FANCA: variants seen among roughly 807,000 people sequenced by gnomAD.
FANCA encodes the protein Fanconi anemia group A protein.
FANCA carries 236 observed loss-of-function variants against 194.3 expected under a neutral mutation model. That is an observed-to-expected ratio of 1.21 (90% CI 1.09 to 1.35). The LOEUF (loss-of-function observed/expected upper bound fraction) is 1.35, where lower values mean the gene tolerates loss of function less well. FANCA is among the 40% of genes most tolerant of loss of function. FANCA has a pLI of 0.00. For missense variants in FANCA, 2,628 were observed against 1,813.9 expected (o/e 1.45, Z -8.15); for synonymous variants, 1,014 against 715.8 (o/e 1.42, Z -6.65).
At chr16:89,794,854 AC>A (rs1175453656) in intron 11 of FANCA, among the ~76,000 whole-genome samples, 1 of 152,208 alleles carries the variant, frequency 6.6e-6, no homozygotes, top group Non-Finnish European at 1.5e-5. Flanking sequence ...GCCATCAAAC[AC>A]GCCACCGAGT....
At chr16:89,815,497 A>T (rs2041074546) in intron 2 of FANCA, among the ~76,000 whole-genome samples, 1 of 151,688 alleles carries the variant, frequency 6.6e-6, no homozygotes, top group Admixed American at 6.6e-5. Flanking sequence ...CTGGGATTAA[A>T]GGCGTGCGCC....
At position 89,744,954 on chromosome 16, in the gene FANCA, C is replaced by G. The variant is rs370801038; in HGVS notation, c.3626+5G>C. On this transcript the variant is annotated splice_donor_5th_base_variant and intron_variant, in intron 36 of 42. Transcript: ENST00000389301. The stretch of plus-strand genomic sequence containing the variant: ...GGCACACCCCATCTCACCACCCACA[C>G]GTACTCGCTGGCAAACTGCCGGCCT... 3.7e-6 allele frequency: 6 copies of G among 1,611,144 alleles called. No homozygotes were observed. The highest frequency in any genetic ancestry group is 5.1e-6 in the Non-Finnish European group (6 of 1,179,572).
At chr16:89,786,985 C>T (rs1274792397) in intron 14 of FANCA, among the ~76,000 whole-genome samples, 1 of 152,214 alleles carries the variant, frequency 6.6e-6, no homozygotes, top group Non-Finnish European at 1.5e-5. Context: ...GCCAGATGAT[C>T]ACTGGCCGCA....
chr16:89,801,005 C>A (rs2040429520), intron 8 of FANCA, among the ~76,000 whole-genome samples: 1 of 146,844 alleles, frequency 6.8e-6, no homozygotes, highest in Non-Finnish European at 1.5e-5. Context: ...TGCACTCCAG[C>A]CTGGGAGACA....
intron 38 of FANCA, 34 bp downstream of exon 38, chr16:89,740,770 G>A: frequency 1.2e-6 from 2 of 1,602,312 alleles, no homozygotes; most frequent in Non-Finnish European, 1.7e-6. Flanking sequence ...CCCACAGTGG[G>A]AGAGGACACC....
rs780833865 is a variant in FANCA, at chr16:89,815,957, G to A, written c.109C>T (p.Pro37Ser). ...AGRVKREKYN[P>S]ERAQKLKESA... is the part of the protein sequence containing the mutation. ...TCCTTTAATTTCTGTGCCCTTTCAG[G>A]ATTATATTTTTCCCTCTTGACCCTT... is the stretch of plus-strand genomic sequence containing the variant. Residue 37 changes from proline to serine, a missense_variant, in exon 2 of 43, where the codon CCT becomes TCT. By Grantham distance (74) the Pro-to-Ser change is moderately conservative. Transcript: ENST00000389301. 10 of 1,614,078 alleles carry A rather than the reference G, an allele frequency of 6.2e-6. No individual in the cohort carries two copies. Among genetic ancestry groups the A allele is most frequent in the South Asian group, 3.3e-5 (3 of 91,090 alleles).
At position 89,795,916 on chromosome 16, in the gene FANCA, A is replaced by G. The variant is rs756220027; in HGVS notation, c.996T>C (p.Pro332=). The G allele has an allele frequency of 6.2e-7, 1 of 1,613,364 alleles. No homozygotes were observed. Among genetic ancestry groups the G allele is most frequent in the Admixed American group, 1.7e-5 (1 of 60,022 alleles). ...CCACACTGGGCCTACCTTTCAGCAC[A>G]GGGCTGTGAGTGAGTATCTGAGTCA... ...HTLTQILTHS[P]VLKASDAVQM... Residue 332 remains proline (P), a synonymous_variant, in exon 11 of 43, where the codon CCT becomes CCC. Transcript: ENST00000389301.
intron 27 of FANCA, among the ~76,000 whole-genome samples, chr16:89,765,916 G>T (rs2039110679): frequency 1.3e-5 from 2 of 152,202 alleles, no homozygotes; most frequent in South Asian, 2.1e-4. Context: ...AATTTATCTG[G>T]AAAGGGGCCA....
At chr16:89,763,749 A>G (rs2039029585) in intron 28 of FANCA, among the ~76,000 whole-genome samples, 2 of 151,740 alleles carry the variant, frequency 1.3e-5, no homozygotes, top group Non-Finnish European at 2.9e-5. Context: ...CCAGCCTAAC[A>G]TGGTGAAACC....
At chr16:89,749,982 C>A in intron 31 of FANCA, 80 bp from the exon 32 acceptor site, 1 of 1,460,882 alleles carries the variant, frequency 6.8e-7, no homozygotes, top group South Asian at 1.1e-5. Context: ...CGTCAGGGGT[C>A]AGGGAGAGGT....
At chr16:89,789,080 C>G (rs1436413415) in intron 14 of FANCA, among the ~76,000 whole-genome samples, 3 of 151,974 alleles carry the variant, frequency 2.0e-5, no homozygotes, top group Non-Finnish European at 4.4e-5. Flanking sequence ...GATTCTGGCA[C>G]AAATCTCTCA....
chr16:89,790,414 AAATAAAAT>A (rs2040029543), intron 14 of FANCA, among the ~76,000 whole-genome samples: 2 of 113,146 alleles, frequency 1.8e-5, no homozygotes, highest in Admixed American at 9.1e-5. Context: ...ATAAGTAAAT[AAATAAAAT>A]AAATAAATAA....
intron 21 of FANCA, 135 bp from the exon 22 acceptor site, chr16:89,773,519 A>C: frequency 1.4e-6 from 1 of 704,688 alleles, no homozygotes; most frequent in Non-Finnish European, 2.5e-6. Context: ...AGGGACTGGG[A>C]GTCTCTGAGG....
At chr16:89,809,914 T>G (rs1188930400) in intron 5 of FANCA, among the ~76,000 whole-genome samples, 3 of 150,848 alleles carry the variant, frequency 2.0e-5, no homozygotes, top group Non-Finnish European at 2.9e-5. Flanking sequence ...TAATCCCAGC[T>G]ACTAAGGTGG....
intron 11 of FANCA, among the ~76,000 whole-genome samples, chr16:89,794,784 T>C (rs2040187622): frequency 6.6e-6 from 1 of 152,094 alleles, no homozygotes; most frequent in Admixed American, 6.6e-5. Flanking sequence ...AAGACTGATA[T>C]CTTGGGTACA....
chr16:89,760,558 C>T (rs1476285123), intron 29 of FANCA, among the ~76,000 whole-genome samples: 2 of 152,134 alleles, frequency 1.3e-5, no homozygotes, highest in Non-Finnish European at 2.9e-5. Flanking sequence ...GACCACATTC[C>T]CCTCTCCCTG....
intron 29 of FANCA, 74 bp from the exon 30 acceptor site, chr16:89,758,779 G>A: frequency 1.9e-6 from 3 of 1,595,942 alleles, no homozygotes; most frequent in South Asian, 1.1e-5. Context: ...CAGGGAATAG[G>A]CCCATAGTAA....
chr16:89,786,681 C>T (rs1051083443), intron 14 of FANCA, among the ~76,000 whole-genome samples: 3 of 152,124 alleles, frequency 2.0e-5, no homozygotes, highest in Non-Finnish European at 4.4e-5. Flanking sequence ...AGATAAAAAG[C>T]GGAAAATGCT....
rs564585608 is a variant in FANCA at position 89,804,568 on chromosome 16, C to T, written c.709+712G>A. 5.3e-5 allele frequency among the ~76,000 whole-genome samples: 8 copies of T among 152,028 alleles called. 1 individual carries two copies. The East Asian group carries it at 1.5e-3, about 29-fold the overall frequency. On this transcript the variant is annotated intron_variant, in intron 7 of 42. Transcript: ENST00000389301. ...CAAGCTGGACTCTGGTCCGAGCCAT[C>T]CTCTGACAAGCCCAACTACTCCTCA...
Sources: gnomAD v4.1 joint callset for allele counts (sites outside exome capture counted in the v4.1 genomes callset) on GRCh38, gnomAD v4.1.1 for gene constraint, MANE v1.5 for transcripts, NCBI Gene and HGNC (gene_info 2026-07-23, HGNC 2026-07-21) for gene names.